Variants in URB1 observed in about 807,000 individuals in gnomAD.
The protein encoded by URB1 is URB1 ribosome biogenesis factor.
URB1 carries 197 observed loss-of-function variants against 242.3 expected under a neutral mutation model. The observed-to-expected ratio is 0.81, with a 90% CI of 0.72 to 0.91. The LOEUF is 0.91. Ranked by LOEUF, URB1 falls within the 40% of genes least tolerant of loss-of-function variation. The pLI, the probability that URB1 is intolerant of heterozygous loss-of-function variation, is 0.00. For missense variants in URB1, 2,721 were observed against 2,860.5 expected (o/e 0.95, Z 1.11); for synonymous variants, 1,153 against 1,201.8 (o/e 0.96, Z 0.84).
In URB1 at chr21:32,344,589, AG is replaced by A; in HGVS notation, c.4237del (p.Arg1414AspfsTer2). 1 of 1,552,298 alleles carries A rather than the reference AG, an allele frequency of 6.4e-7. No individual in the cohort carries two copies. The highest frequency in any genetic ancestry group is 8.7e-7 in the Non-Finnish European group (1 of 1,147,130). On this transcript the variant is annotated frameshift_variant, in exon 24 of 39. Transcript: ENST00000382751. LOFTEE classifies it high-confidence loss of function. ...NTQNQEKEML[L>X]RLNALLHALN... ...ACTTACCAACAACGCATTTAATCTAAGCAGCATTTCCTTCTCCTGATTCTGA... is the reference window on the plus strand; with the variant it reads ...ACTTACCAACAACGCATTTAATCTAACAGCATTTCCTTCTCCTGATTCTGA...
At chr21:32,326,256 C>T (rs1241614614) in intron 30 of URB1, among the ~76,000 whole-genome samples, 2 of 152,130 alleles carry the variant, frequency 1.3e-5, no homozygotes, top group Admixed American at 6.5e-5. Flanking sequence ...TGATAATTAT[C>T]CACAATGATG....
Position 32,359,325 on chromosome 21 carries a change from A to G in URB1, c.1869+471T>C, listed in dbSNP as rs557944025. Among the ~76,000 whole-genome samples the G allele has an allele frequency of 2.0e-5, 3 of 152,256 alleles. No homozygotes were observed. In the East Asian group the frequency reaches 5.8e-4, roughly 29 times the overall value. ...TATGATTTAACATTATGTTCTCCAAAAAGTTCTGGTAGATATTTTATTAAA... is the reference window on the plus strand; with the variant it reads ...TATGATTTAACATTATGTTCTCCAAGAAGTTCTGGTAGATATTTTATTAAA... On this transcript the variant is annotated intron_variant, in intron 14 of 38. Transcript: ENST00000382751.
chr21:32,385,935 T>C (rs913023667), intron 1 of URB1, among the ~76,000 whole-genome samples: 8 of 152,198 alleles, frequency 5.3e-5, no homozygotes, highest in Admixed American at 2.0e-4. Context: ...GCAGATCACC[T>C]GAGGTCAGGA....
chr21:32,346,932 G>A (rs1410410443), intron 22 of URB1, 24 bp downstream of exon 22: 22 of 1,479,596 alleles, frequency 1.5e-5, no homozygotes, highest in Non-Finnish European at 2.0e-5. Flanking sequence ...GACCCCAGCT[G>A]CCCAAAGCTA....
Position 32,359,884 on chromosome 21 carries a change from C to T in URB1, c.1781G>A (p.Arg594Gln), listed in dbSNP as rs887246838. 7.7e-6 allele frequency: 12 copies of T among 1,548,422 alleles called. No individual in the cohort carries two copies. The Admixed American group carries it at 1.2e-4, about 15-fold the overall frequency. ...CTGCAGAATGGGAGGCACCTCCTCT[C>T]GAAGGCCCTGCTCAGAGATGACACC... ...LKGVISEQGL[R>Q]EEVPPILQHH... Residue 594 changes from arginine (R) to glutamine (Q), a missense_variant, in exon 14 of 39, where the codon CGA becomes CAA. By Grantham distance (43) the Arg-to-Gln change is conservative. Coordinates refer to ENST00000382751, the MANE Select transcript of URB1 (RefSeq NM_014825.3).
rs2033206343 is a variant in URB1 at position 32,355,288 on chromosome 21, AT to A, written c.2106+160del. On this transcript the variant is annotated intron_variant, in intron 16 of 38. Coordinates refer to ENST00000382751, the MANE Select transcript of URB1 (RefSeq NM_014825.3). ...GCTGTAATATATACGTATTTTACAG[AT>A]TCTAAAACTATGTAGATTCTGAAGT... 2.6e-5 allele frequency among the ~76,000 whole-genome samples: 4 copies of A among 152,370 alleles called. No individual in the cohort carries two copies. The South Asian group carries it at 8.3e-4, about 32-fold the overall frequency.
At chr21:32,382,563 T>A (rs1209029704) in intron 4 of URB1, among the ~76,000 whole-genome samples, 1 of 152,104 alleles carries the variant, frequency 6.6e-6, no homozygotes, top group Admixed American at 6.5e-5. Context: ...GGCAGCACAC[T>A]GTTATAGAAG....
At chr21:32,338,989 T>TTATG in intron 25 of URB1, 89 bp from the exon 26 acceptor site, 1 of 1,231,060 alleles carries the variant, frequency 8.1e-7, no homozygotes, top group South Asian at 1.7e-5. Flanking sequence ...TCTCAGTATT[T>TTATG]TATTTATTTA....
chr21:32,337,705 CTTTTTTTTTTT>C (rs1196115219), intron 26 of URB1, among the ~76,000 whole-genome samples, 191 bp from the exon 27 acceptor site: 1 of 146,722 alleles, frequency 6.8e-6, no homozygotes, highest in African/African-American at 2.5e-5. Flanking sequence ...TTCTTTTTTT[CTTTTTTTTTTT>C]GAGATGAGGT....
intron 1 of URB1, among the ~76,000 whole-genome samples, chr21:32,391,760 C>A (rs563129477): frequency 2.0e-5 from 3 of 151,870 alleles, no homozygotes; most frequent in Admixed American, 6.6e-5. Context: ...TACCTATACT[C>A]CCAGCCCTTT....
At chr21:32,325,174 C>T in intron 31 of URB1, 55 bp downstream of exon 31, 1 of 1,507,340 alleles carries the variant, frequency 6.6e-7, no homozygotes, top group African/African-American at 1.4e-5. Context: ...ACAGCCAGCT[C>T]TCTGAAGTCC....
chr21:32,325,035 G>T (rs930575696), intron 31 of URB1, among the ~76,000 whole-genome samples, 194 bp downstream of exon 31: 4 of 152,096 alleles, frequency 2.6e-5, no homozygotes, highest in Admixed American at 6.5e-5. Flanking sequence ...ACCTCCACGG[G>T]GGGTTGTGGA....
Position 32,352,829 on chromosome 21 carries a change from GAC to G in URB1, c.2492_2493del (p.Cys831SerfsTer7), listed in dbSNP as rs2033173441. On this transcript the variant is annotated frameshift_variant, in exon 19 of 39. Transcript: ENST00000382751. LOFTEE classifies it high-confidence loss of function. ...AGCTTATCATATGCCTGGAGCAGGA[GAC>G]ACAGAGCCAGGGGGTCCCTCTGGGT... is the stretch of plus-strand genomic sequence containing the variant. ...LHTQRDPLAL[C>X]LLLQAYDKLE... The G allele has an allele frequency of 6.4e-7, 1 of 1,551,600 alleles. No individual in the cohort carries two copies. Among genetic ancestry groups the G allele is most frequent in the African/African-American group, 1.4e-5 (1 of 73,054 alleles).
At chr21:32,322,657 GCAGGCATT>G in intron 32 of URB1, 73 bp from the exon 33 acceptor site, 1 of 1,092,168 alleles carries the variant, frequency 9.2e-7, no homozygotes, top group Non-Finnish European at 1.4e-6. Context: ...GCACTAAGAG[GCAGGCATT>G]CTGGGTATCA....
Position 32,392,881 on chromosome 21 carries a change from G to T in URB1, c.30C>A (p.Gly10=), listed in dbSNP as rs1295399469. 2.0e-6 allele frequency: 3 copies of T among 1,530,050 alleles called. No individual in the cohort carries two copies. The South Asian group carries it at 3.6e-5, about 18-fold the overall frequency. The allele number at this position is 1,530,050 out of a possible 1,614,324, so 94.8% of individuals were successfully genotyped here. The change falls in exon 1 of 39, where the codon GGC becomes GGA. Residue 10 remains glycine, a synonymous_variant. Transcript: ENST00000382751. MGVPKRKAS[G]GQDGAASSAG... The stretch of plus-strand genomic sequence containing the variant: ...CGGAGGAAGCCGCGCCGTCCTGGCC[G>T]CCCGAGGCCTTCCTCTTGGGGACCC...
intron 25 of URB1, among the ~76,000 whole-genome samples, chr21:32,339,530 G>A (rs1045763141): frequency 1.4e-5 from 2 of 143,806 alleles, no homozygotes; most frequent in Non-Finnish European, 3.0e-5. Context: ...TCGCTCTGTC[G>A]CCTAGGCTGG....
In URB1 at chr21:32,349,355, G is replaced by A. The variant is rs531234730; in HGVS notation, c.2961C>T (p.Asp987=). Reference sequence around the variant, plus strand: ...CCACGGACTCCATGTCCAGGAAGAGGTCGGCTTCGGCCCGGGCGGCCTCGC... The same window carrying A: ...CCACGGACTCCATGTCCAGGAAGAGATCGGCTTCGGCCCGGGCGGCCTCGC... ...QRCEAARAEA[D]LFLDMESVAS... Residue 987 remains aspartate (D), a synonymous_variant, in exon 21 of 39, where the codon GAC becomes GAT. Coordinates refer to ENST00000382751, the MANE Select transcript of URB1 (RefSeq NM_014825.3). The A allele has an allele frequency of 1.2e-4, 190 of 1,551,300 alleles. 1 individual carries two copies. The South Asian group carries it at 2.1e-3, about 17-fold the overall frequency.
intron 8 of URB1, among the ~76,000 whole-genome samples, chr21:32,370,588 C>T (rs1272692716): frequency 5.9e-5 from 9 of 152,306 alleles, no homozygotes; most frequent in African/African-American, 2.2e-4. Context: ...TTTATTCCCA[C>T]TTTATAGACA....
In URB1 at chr21:32,311,528, T is replaced by C. The variant is rs2032571156; in HGVS notation, c.*3390A>G. The C allele has an allele frequency of 9.3e-7, 1 of 1,081,038 alleles. No individual in the cohort carries two copies. Among genetic ancestry groups the C allele is most frequent in the East Asian group, 2.5e-5 (1 of 40,322 alleles). 67.0% of individuals were successfully genotyped at this position (1,081,038 alleles called of 1,614,324 possible). ...TGAGATTTCTCTAGAATGGCCACCT[T>C]TGTGAGCTGGCTGACCCTTCTCAGG... On this transcript the variant is annotated 3_prime_UTR_variant, in exon 39 of 39. Transcript: ENST00000382751.
Sources: allele counts gnomAD v4.1 joint callset (sites outside exome capture counted in the v4.1 genomes callset), GRCh38; gene constraint gnomAD v4.1.1; transcripts MANE v1.5; gene names NCBI Gene and HGNC (gene_info 2026-07-23, HGNC 2026-07-21).